The following DNAH8 variants were observed in gnomAD, a reference collection of about 807,000 sequenced individuals.
The protein encoded by DNAH8 is dynein axonemal heavy chain 8.
Under a neutral mutation model 562.1 loss-of-function variants are expected in DNAH8, and 382 were observed. The ratio of observed to expected loss-of-function variants is 0.68; its 90% confidence interval spans 0.63 to 0.74. The LOEUF (loss-of-function observed/expected upper bound fraction) is 0.74. Ranked by LOEUF, DNAH8 falls within the 30% of genes least tolerant of loss-of-function variation. The pLI is 0.00. For missense variants in DNAH8, 5,203 were observed against 5,620.4 expected, an observed-to-expected ratio of 0.93 and a Z score of 2.37; for synonymous variants, 1,881 against 1,919.4, an observed-to-expected ratio of 0.98 and a Z score of 0.52.
At chr6:38,953,323 A>G (rs1428285560) in intron 82 of DNAH8, among the ~76,000 whole-genome samples, 1 of 152,238 alleles carries the variant, frequency 6.6e-6, no homozygotes, top group Non-Finnish European at 1.5e-5. Flanking sequence ...CGCCTAGAAG[A>G]AGGAGTATTC....
chr6:38,812,381 A>G (rs1461315062), intron 24 of DNAH8, among the ~76,000 whole-genome samples: 4 of 152,168 alleles, frequency 2.6e-5, no homozygotes, highest in African/African-American at 9.6e-5. Context: ...TTGATTTACA[A>G]GTTCTGCGGC....
intron 3 of DNAH8, among the ~76,000 whole-genome samples, chr6:38,724,766 GGCTTTT>G (rs995553628): frequency 3.3e-5 from 5 of 152,108 alleles, no homozygotes; most frequent in Admixed American, 3.3e-4. Flanking sequence ...TAGGTTCTTG[GGCTTTT>G]TCTGAACCCT....
intron 12 of DNAH8, among the ~76,000 whole-genome samples, chr6:38,773,850 C>G (rs72849181): frequency 0.12 from 18,641 of 152,128 alleles, 1,390 homozygotes; most frequent in Admixed American, 0.22. Context: ...AGGAGAGCCA[C>G]AAGTGTGCAC....
At chr6:38,744,492 T>A (rs1764769334) in intron 8 of DNAH8, 1 of 152,216 alleles carries the variant, frequency 6.6e-6, no homozygotes, top group African/African-American at 2.4e-5. Flanking sequence ...CAGTTTTTGC[T>A]GCTTACTGGC....
At chr6:38,768,297 C>A (rs1258222387) in intron 11 of DNAH8, among the ~76,000 whole-genome samples, 1 of 152,014 alleles carries the variant, frequency 6.6e-6, no homozygotes, top group Non-Finnish European at 1.5e-5. Flanking sequence ...GAGACAAAGC[C>A]TCACTCTGTC....
At chr6:38,753,815 T>G (rs1480212395) in intron 9 of DNAH8, among the ~76,000 whole-genome samples, 1 of 152,180 alleles carries the variant, frequency 6.6e-6, no homozygotes, top group African/African-American at 2.4e-5. Flanking sequence ...TATTGTTATT[T>G]TGTTGTTGTT....
intron 8 of DNAH8, 62 bp from the exon 9 acceptor site, chr6:38,750,414 T>G (rs1765336552): frequency 9.2e-7 from 1 of 1,089,634 alleles, no homozygotes; most frequent in Non-Finnish European, 1.3e-6. Flanking sequence ...ATTTCCCGAG[T>G]AAACTTTAGC....
In DNAH8 at chr6:38,881,831, G is replaced by A. The variant is rs190293257; in HGVS notation, c.7859-1079G>A. 2.4e-3 allele frequency among the ~76,000 whole-genome samples: 361 copies of A among 152,064 alleles called. 1 individual carries two copies. Among genetic ancestry groups the A allele is most frequent in the African/African-American group, 6.9e-3 (285 of 41,490 alleles). ...CTCCCAAAGTGCTGGGTTTACAGAC[G>A]TCAGCCACTGTGCCCGGACTTGAAA... On this transcript the variant is annotated intron_variant, in intron 53 of 92. Coordinates refer to ENST00000327475, the MANE Select transcript of DNAH8 (RefSeq NM_001206927.2).
At position 39,008,693 on chromosome 6, in the gene DNAH8, C is replaced by CTTTT. The variant is rs34058863; in HGVS notation, c.13215-110_13215-107dup. On this transcript the variant is annotated intron_variant, in intron 88 of 92. Transcript: ENST00000327475. ...AGGTTGATGGTAGTTAACTTTTCTT[C>CTTTT]TTTTTTTTTTTTTTGTAGCTTGCTT... 3,455 of 368,042 alleles carry CTTTT rather than the reference C, an allele frequency of 9.4e-3. 35 individuals are homozygous for CTTTT. The highest frequency in any genetic ancestry group is 0.033 in the African/African-American group (1,477 of 45,144). 22.8% of individuals were successfully genotyped at this position (368,042 alleles called of 1,614,324 possible). A position where few individuals can be genotyped will look rare whatever the true frequency, so the allele number is the denominator to read the frequency against.
chr6:38,770,030 G>C (rs1245154183), intron 11 of DNAH8, among the ~76,000 whole-genome samples: 1 of 152,134 alleles, frequency 6.6e-6, no homozygotes, highest in Non-Finnish European at 1.5e-5. Flanking sequence ...TTGGAAAAAT[G>C]ATTGTCAGAT....
rs913627897 is a variant in DNAH8 at position 38,775,399 on chromosome 6, C to A, written c.1765-355C>A. ...GTGAGGGCCAAACAGCATGGTGGAG[C>A]TTTTGAGTCCAGTAATCCAGTGAAA... On this transcript the variant is annotated intron_variant, in intron 12 of 92. Coordinates refer to ENST00000327475, the MANE Select transcript of DNAH8 (RefSeq NM_001206927.2). Among the ~76,000 whole-genome samples, 44 of 152,110 alleles carry A rather than the reference C, an allele frequency of 2.9e-4. 1 individual carries two copies. The highest frequency in any genetic ancestry group is 7.2e-4 in the African/African-American group (30 of 41,420).
intron 28 of DNAH8, among the ~76,000 whole-genome samples, chr6:38,824,828 C>A (rs1291013636): frequency 6.6e-6 from 1 of 151,998 alleles, no homozygotes; most frequent in Non-Finnish European, 1.5e-5. Context: ...CAAGGAAGTA[C>A]TTGTGATTCT....
At chr6:38,851,474 A>T (rs1273821118) in intron 38 of DNAH8, 98 bp from the exon 39 acceptor site, 2 of 709,938 alleles carry the variant, frequency 2.8e-6, no homozygotes, top group East Asian at 5.5e-5. Context: ...GTTTGCTATT[A>T]TCTTAGCAAA....
chr6:38,888,376 A>C (rs1415639393), intron 57 of DNAH8, among the ~76,000 whole-genome samples: 1 of 152,018 alleles, frequency 6.6e-6, no homozygotes, highest in East Asian at 1.9e-4. Context: ...AAAAATAAAG[A>C]AAAAAAATAC....
chr6:38,909,767 C>T (rs748661295), intron 65 of DNAH8, 23 bp downstream of exon 65: 19 of 1,576,796 alleles, frequency 1.2e-5, no homozygotes, highest in Admixed American at 1.7e-5. Context: ...ACATAAGCAC[C>T]ATCGCTATGG....
intron 81 of DNAH8, among the ~76,000 whole-genome samples, chr6:38,949,850 A>G (rs867400252): frequency 1.3e-5 from 2 of 152,218 alleles, no homozygotes; most frequent in Admixed American, 6.5e-5. Context: ...CTTTTAGCAA[A>G]AAGCGTGAAA....
chr6:38,737,209 A>C lies in DNAH8; in HGVS notation c.905A>C (p.Lys302Thr). Residue 302 changes from lysine (K) to threonine (T), a missense_variant, in exon 6 of 93, where the codon AAA (lysine) becomes ACA (threonine). Coordinates refer to ENST00000327475, the MANE Select transcript of DNAH8 (RefSeq NM_001206927.2). ...CAGTCCAAGCAGGGAGAATCTGAAAAACATATTTTCACTGAAACCATCAAC... is the reference window on the plus strand; with the variant it reads ...CAGTCCAAGCAGGGAGAATCTGAAACACATATTTTCACTGAAACCATCAAC... ...LNQSKQGESE[K>T]HIFTETINRY... 6.6e-7 allele frequency: 1 copy of C among 1,524,594 alleles called. No individual in the cohort carries two copies. The highest frequency in any genetic ancestry group is 8.8e-7 in the Non-Finnish European group (1 of 1,135,198). The allele number at this position is 1,524,594 out of a possible 1,614,324, so 94.4% of individuals were successfully genotyped here.
chr6:38,923,282 A>G (rs1201403641), intron 72 of DNAH8, 97 bp downstream of exon 72: 16 of 1,442,906 alleles, frequency 1.1e-5, no homozygotes, highest in African/African-American at 7.1e-5. Context: ...CCCATCATCT[A>G]TGACAGTGCT....
intron 3 of DNAH8, among the ~76,000 whole-genome samples, chr6:38,723,970 TTTAATTAATTAATTAA>T (rs68148878): frequency 3.9e-4 from 55 of 142,298 alleles, no homozygotes; most frequent in Admixed American, 2.8e-4. Context: ...TCTTTTTAAA[TTTAATTAATTAATTAA>T]TTAATTAATT....
Sources: gnomAD v4.1 joint callset for allele counts (sites outside exome capture counted in the v4.1 genomes callset) on GRCh38, gnomAD v4.1.1 for gene constraint, MANE v1.5 for transcripts, NCBI Gene and HGNC (gene_info 2026-07-23, HGNC 2026-07-21) for gene names.